CENPP: variants seen among roughly 807,000 people sequenced by gnomAD.
CENPP encodes centromere protein P.
Under a neutral mutation model 35.6 loss-of-function variants are expected in CENPP, and 24 were observed. The ratio of observed to expected loss-of-function variants is 0.67; its 90% CI spans 0.49 to 0.95. CENPP has a LOEUF of 0.95. CENPP is among the 40% of genes least tolerant of loss of function. The probability of loss-of-function intolerance (pLI) is 0.00; values close to 1 mark genes in which losing one functional copy is unlikely to be tolerated. For synonymous variants in CENPP, 120 were observed against 125.5 expected, an observed-to-expected ratio of 0.96 and a Z score of 0.29; for missense variants, 332 against 345.3, an observed-to-expected ratio of 0.96 and a Z score of 0.31.
rs1048713786 is a variant in CENPP at position 92,573,353 on chromosome 9, G to A, written c.565-37961G>A. Among the ~76,000 whole-genome samples, 16 of 152,192 alleles carry A rather than the reference G, an allele frequency of 1.1e-4. 1 individual carries two copies. The highest frequency in any genetic ancestry group is 3.9e-4 in the African/African-American group (16 of 41,446). On this transcript the variant is annotated intron_variant, in intron 5 of 7. Transcript: ENST00000375587. ...CTCAGCTGCAGGTCTGTTGGAGTTT[G>A]CTGGAGGTCCACTCCAGACCCTTTT...
chr9:92,538,598 T>G (rs138514065), intron 5 of CENPP, among the ~76,000 whole-genome samples: 66 of 152,316 alleles, frequency 4.3e-4, no homozygotes, highest in African/African-American at 1.5e-3. Flanking sequence ...ATTTTATAAT[T>G]TCTGAGGTTC....
intron 5 of CENPP, among the ~76,000 whole-genome samples, chr9:92,440,679 A>G (rs1844362995): frequency 2.0e-5 from 3 of 152,222 alleles, no homozygotes; most frequent in Non-Finnish European, 2.9e-5. Flanking sequence ...TCAAACTGCG[A>G]AAGTTATGAC....
chr9:92,449,453 AAAAAAAAAAAAAAAAAAAAAAAAAAT>A (rs1214397315), intron 5 of CENPP, among the ~76,000 whole-genome samples: 1 of 49,106 alleles, frequency 2.0e-5, no homozygotes, highest in Non-Finnish European at 3.2e-5. Context: ...AAAAAAAAAA[AAAAAAAAAAAAAAAAAAAAAAAAAAT>A]ACCAGATATA....
intron 4 of CENPP, among the ~76,000 whole-genome samples, chr9:92,373,101 T>C (rs141501731): frequency 1.3e-5 from 2 of 152,284 alleles, no homozygotes; most frequent in East Asian, 1.9e-4. Flanking sequence ...TCACTTCATG[T>C]TGTCCCAAAT....
At chr9:92,552,064 GAT>G (rs1849617472) in intron 5 of CENPP, among the ~76,000 whole-genome samples, 1 of 131,206 alleles carries the variant, frequency 7.6e-6, no homozygotes, top group Admixed American at 7.4e-5. Flanking sequence ...TCATATATGT[GAT>G]ATGATAGATC....
intron 5 of CENPP, among the ~76,000 whole-genome samples, chr9:92,453,736 C>T (rs544598920): frequency 1.3e-5 from 2 of 152,120 alleles, no homozygotes; most frequent in Admixed American, 1.3e-4. Context: ...CTGCACCAAG[C>T]GGCAATTCTT....
chr9:92,613,290 A>C lies in CENPP; in HGVS notation c.*141A>C. ...TATGCAGTTATGGCACATTATATGG[A>C]AACTCTCATGACATGAAAAATAAAT... On this transcript the variant is annotated 3_prime_UTR_variant, in exon 8 of 8. Coordinates refer to ENST00000375587, the MANE Select transcript of CENPP (RefSeq NM_001012267.3). 1.1e-6 allele frequency: 1 copy of C among 886,048 alleles called. No individual in the cohort carries two copies. Among genetic ancestry groups the C allele is most frequent in the Non-Finnish European group, 1.7e-6 (1 of 575,732 alleles). The allele number at this position is 886,048 out of a possible 1,614,324, so 54.9% of individuals were successfully genotyped here.
At chr9:92,492,522 T>A (rs961510112) in intron 5 of CENPP, among the ~76,000 whole-genome samples, 3 of 152,206 alleles carry the variant, frequency 2.0e-5, no homozygotes, top group African/African-American at 7.2e-5. Flanking sequence ...TTTGACTTAA[T>A]GAGAATGGCT....
At chr9:92,467,016 T>C (rs1356452037) in intron 5 of CENPP, among the ~76,000 whole-genome samples, 1 of 152,222 alleles carries the variant, frequency 6.6e-6, no homozygotes, top group Non-Finnish European at 1.5e-5. Flanking sequence ...TCATATTTAC[T>C]AATGTTTACC....
Position 92,617,963 on chromosome 9 carries a change from T to G in CENPP, c.*4814T>G. 3.0e-6 allele frequency: 1 copy of G among 333,656 alleles called. No homozygotes were observed. The highest frequency in any genetic ancestry group is 2.4e-5 in the South Asian group (1 of 40,970). 20.7% of individuals were successfully genotyped at this position (333,656 alleles called of 1,614,324 possible). ...AAGAAGTTTAAATGTGGTCAATCTA[T>G]CTGTGAGCTGCAAATTAGTCTAGGG... is the stretch of plus-strand genomic sequence containing the variant. On this transcript the variant is annotated 3_prime_UTR_variant, in exon 8 of 8. Transcript: ENST00000375587.
At chr9:92,578,046 A>G (rs1172125009) in intron 5 of CENPP, among the ~76,000 whole-genome samples, 2 of 147,684 alleles carry the variant, frequency 1.4e-5, no homozygotes, top group African/African-American at 2.5e-5. Flanking sequence ...GAGAATATGC[A>G]GTGTTTGGTT....
intron 5 of CENPP, among the ~76,000 whole-genome samples, chr9:92,427,779 C>A (rs1052619394): frequency 6.6e-6 from 1 of 152,158 alleles, no homozygotes; most frequent in African/African-American, 2.4e-5. Context: ...CATGCCCTGA[C>A]TATTAATTAA....
At chr9:92,463,656 G>A (rs1001400361) in intron 5 of CENPP, among the ~76,000 whole-genome samples, 1 of 152,040 alleles carries the variant, frequency 6.6e-6, no homozygotes, top group African/African-American at 2.4e-5. Context: ...CTCCTTTACT[G>A]GATGTTATCT....
intron 3 of CENPP, among the ~76,000 whole-genome samples, chr9:92,340,917 C>A (rs1029878559): frequency 6.6e-6 from 1 of 152,178 alleles, no homozygotes; most frequent in African/African-American, 2.4e-5. Flanking sequence ...ACCTTAAACT[C>A]TGACTGCTGG....
At chr9:92,533,142 CA>C (rs149924321) in intron 5 of CENPP, among the ~76,000 whole-genome samples, 3 of 148,310 alleles carry the variant, frequency 2.0e-5, no homozygotes, top group Admixed American at 6.8e-5. Flanking sequence ...ATTAAAAATA[CA>C]AAAAAAATTA....
intron 5 of CENPP, among the ~76,000 whole-genome samples, chr9:92,437,665 A>T (rs1844281930): frequency 1.3e-5 from 2 of 152,128 alleles, no homozygotes; most frequent in South Asian, 2.1e-4. Flanking sequence ...TCTGCTTCCC[A>T]AAGTGTTGGG....
At chr9:92,435,124 A>C (rs1844216628) in intron 5 of CENPP, among the ~76,000 whole-genome samples, 1 of 152,148 alleles carries the variant, frequency 6.6e-6, no homozygotes, top group South Asian at 2.1e-4. Context: ...TGGTAGACAT[A>C]ATCCAGGGAT....
intron 5 of CENPP, among the ~76,000 whole-genome samples, chr9:92,490,195 T>G (rs548771691): frequency 3.0e-4 from 45 of 152,334 alleles, no homozygotes; most frequent in African/African-American, 9.9e-4. Context: ...AGATGTTGTT[T>G]CCTGATTTTG....
intron 4 of CENPP, among the ~76,000 whole-genome samples, chr9:92,366,966 A>T (rs540505371): frequency 5.3e-5 from 8 of 152,338 alleles, no homozygotes; most frequent in Non-Finnish European, 8.8e-5. Flanking sequence ...GTTTGCAGTC[A>T]AAACGCAGGT....
Sources: allele counts gnomAD v4.1 joint callset (sites outside exome capture counted in the v4.1 genomes callset), GRCh38; gene constraint gnomAD v4.1.1; transcripts MANE v1.5; gene names NCBI Gene and HGNC (gene_info 2026-07-23, HGNC 2026-07-21).